HYCC1: variants seen among roughly 807,000 people sequenced by gnomAD.
HYCC1 encodes hyccin PI4KA lipid kinase complex subunit 1.
At chr7:22,959,015 T>C in the HYCC1 span, among the ~76,000 whole-genome samples, 1,150 of 152,250 alleles carry the variant, frequency 7.6e-3, 42 homozygotes, top group Admixed American at 0.06. Flanking sequence ...GTAAACCATA[T>C]CTAATTAAAT....
At chr7:22,898,286 T>C in the HYCC1 span, among the ~76,000 whole-genome samples, 4 of 152,118 alleles carry the variant, frequency 2.6e-5, no homozygotes, top group Admixed American at 6.5e-5. Context: ...CGATCTCGGC[T>C]CACTGGAACC....
chr7:23,008,728 TAGAC>T, the HYCC1 span, among the ~76,000 whole-genome samples: 12 of 152,022 alleles, frequency 7.9e-5, no homozygotes, highest in African/African-American at 1.7e-4. Flanking sequence ...TCCATATCTA[TAGAC>T]AGACAGAGTA....
At chr7:22,914,216 G>A in the HYCC1 span, among the ~76,000 whole-genome samples, 7 of 152,266 alleles carry the variant, frequency 4.6e-5, no homozygotes, top group South Asian at 4.1e-4. Flanking sequence ...CCGCGGGGAC[G>A]CCTGCCCTGG....
At chr7:22,947,210 G>T in the HYCC1 span, 3 of 1,549,882 alleles carry the variant, frequency 1.9e-6, no homozygotes, top group Non-Finnish European at 2.6e-6. Context: ...TGACAAGGAT[G>T]CCCAATTCAG....
At chr7:22,960,507 T>A in the HYCC1 span, 1 of 1,034,624 alleles carries the variant, frequency 9.7e-7, no homozygotes, top group Non-Finnish European at 1.5e-6. Flanking sequence ...CTAAACAGGC[T>A]TATACAAAGA....
At chr7:22,924,905 C>A in the HYCC1 span, among the ~76,000 whole-genome samples, 5 of 152,184 alleles carry the variant, frequency 3.3e-5, no homozygotes, top group Non-Finnish European at 5.9e-5. Context: ...CCCTGACTCC[C>A]GAGTAGCCTA....
At chr7:22,978,193 A>G in the HYCC1 span, 1 of 1,338,268 alleles carries the variant, frequency 7.5e-7, no homozygotes, top group Non-Finnish European at 1.1e-6. Flanking sequence ...TAGCTTTATT[A>G]AAATGAAAAG....
At chr7:22,897,619 TTTTG>T in the HYCC1 span, among the ~76,000 whole-genome samples, 183 of 152,154 alleles carry the variant, frequency 1.2e-3, no homozygotes, top group African/African-American at 3.7e-3. Flanking sequence ...GTTAGCATTC[TTTTG>T]TTTGTTTGTT....
At chr7:22,945,582 T>C in the HYCC1 span, 2 of 1,585,686 alleles carry the variant, frequency 1.3e-6, no homozygotes, top group Non-Finnish European at 1.7e-6. Context: ...GAAAAATATG[T>C]TACTAATTAA....
At chr7:22,911,663 C>T in the HYCC1 span, among the ~76,000 whole-genome samples, 1 of 152,180 alleles carries the variant, frequency 6.6e-6, no homozygotes, top group East Asian at 1.9e-4. Flanking sequence ...GAGGCTGAGG[C>T]AGAAGAATCG....
the HYCC1 span, among the ~76,000 whole-genome samples, chr7:22,979,181 T>C: frequency 6.6e-6 from 1 of 152,168 alleles, no homozygotes; most frequent in African/African-American, 2.4e-5. Flanking sequence ...CAACCAATAA[T>C]GGTAATGAAC....
the HYCC1 span, among the ~76,000 whole-genome samples, chr7:22,965,415 TA>T: frequency 4.0e-5 from 6 of 148,654 alleles, no homozygotes; most frequent in African/African-American, 1.5e-4. Context: ...GGTAGAATGC[TA>T]AAGAAAGATC....
the HYCC1 span, among the ~76,000 whole-genome samples, chr7:23,009,362 T>G: frequency 6.6e-6 from 1 of 152,272 alleles, no homozygotes; most frequent in Middle Eastern, 3.4e-3. Flanking sequence ...ATATTTCCAC[T>G]CTTTTAGGCT....
At chr7:22,936,137 T>G in the HYCC1 span, 1 of 151,910 alleles carries the variant, frequency 6.6e-6, no homozygotes, top group Non-Finnish European at 1.5e-5. Flanking sequence ...AGCTTATTAT[T>G]GCACACACAA....
At chr7:22,960,383 A>C in the HYCC1 span, 286 of 1,613,520 alleles carry the variant, frequency 1.8e-4, no homozygotes, top group Admixed American at 5.0e-4. Context: ...TCATGGGACC[A>C]TGAGGCAATG....
the HYCC1 span, among the ~76,000 whole-genome samples, chr7:22,988,303 C>G: frequency 6.6e-6 from 1 of 152,108 alleles, no homozygotes; most frequent in Non-Finnish European, 1.5e-5. Context: ...TGGGGTTGGG[C>G]AGGAGAAACT....
the HYCC1 span, chr7:22,940,236 G>GTTTTTTTTTTTTTT: frequency 3.4e-5 from 3 of 87,188 alleles, no homozygotes; most frequent in East Asian, 4.5e-4. Context: ...AATAGGTTCT[G>GTTTTTTTTTTTTTT]TTTTTTTTTT....
chr7:22,952,111 C>G, the HYCC1 span, among the ~76,000 whole-genome samples: 1 of 151,894 alleles, frequency 6.6e-6, no homozygotes, highest in Non-Finnish European at 1.5e-5. Flanking sequence ...GATTTAGATG[C>G]TGGGGATACA....
chr7:23,003,446 C>T, the HYCC1 span, among the ~76,000 whole-genome samples: 1 of 152,170 alleles, frequency 6.6e-6, no homozygotes, highest in Non-Finnish European at 1.5e-5. Flanking sequence ...TAAATAAATG[C>T]TATGAGAAAA....
Sources: allele counts gnomAD v4.1 joint callset (sites outside exome capture counted in the v4.1 genomes callset), GRCh38; gene constraint gnomAD v4.1.1; transcripts MANE v1.5; gene names NCBI Gene and HGNC (gene_info 2026-07-23, HGNC 2026-07-21).